BBS9: variants seen among roughly 807,000 people sequenced by gnomAD.
The protein encoded by BBS9 is protein PTHB1.
Under a neutral mutation model 117.7 loss-of-function variants are expected in BBS9, and 89 were observed. That is an observed-to-expected ratio of 0.76 (90% confidence interval 0.64 to 0.90). BBS9 has a LOEUF of 0.90. Among genes scored for constraint, BBS9 ranks in the 40% least tolerant of loss-of-function variants. The pLI is 0.00. For missense variants in BBS9, 982 were observed against 1,042.2 expected (o/e 0.94, Z 0.80); for synonymous variants, 379 against 370.9 (o/e 1.02, Z -0.25).
chr7:33,231,591 T>C (rs1439775979), intron 5 of BBS9, among the ~76,000 whole-genome samples: 1 of 152,006 alleles, frequency 6.6e-6, no homozygotes, highest in East Asian at 1.9e-4. Flanking sequence ...ATATAAACTT[T>C]GGGATTTTTT....
Position 33,349,082 on chromosome 7 carries a change from C to G in BBS9, c.1344C>G (p.Asn448Lys), listed in dbSNP as rs1818133179. The change falls in exon 13 of 23, where the codon AAC becomes AAG. Residue 448 changes from asparagine to lysine, a missense_variant. Coordinates refer to ENST00000242067, the MANE Select transcript of BBS9 (RefSeq NM_198428.3). Reference protein sequence around the residue: ...PSVTVKVTLQNRVILQKAKLS... With the variant: ...PSVTVKVTLQKRVILQKAKLS... ...TGTTTCCTTAGGTCACACTGCAGAA[C>G]AGAGTGATATTGCAAAAAGCCAAAT... 2 of 1,608,146 alleles carry G rather than the reference C, an allele frequency of 1.2e-6. No individual in the cohort carries two copies. The highest frequency in any genetic ancestry group is 1.7e-6 in the Non-Finnish European group (2 of 1,174,952).
intron 5 of BBS9, among the ~76,000 whole-genome samples, chr7:33,240,913 A>G (rs1273372551): frequency 1.3e-5 from 2 of 152,138 alleles, no homozygotes; most frequent in African/African-American, 4.8e-5. Context: ...GGTAGGCACT[A>G]TGGATACAAA....
intron 9 of BBS9, among the ~76,000 whole-genome samples, chr7:33,335,187 C>T (rs1407029772): frequency 2.0e-5 from 3 of 152,160 alleles, no homozygotes; most frequent in African/African-American, 7.2e-5. Flanking sequence ...TTCTCTTCTT[C>T]AGATGAATAG....
At chr7:33,320,192 A>C (rs1168111359) in intron 9 of BBS9, among the ~76,000 whole-genome samples, 1 of 152,088 alleles carries the variant, frequency 6.6e-6, no homozygotes, top group Non-Finnish European at 1.5e-5. Context: ...ACTAGATCTT[A>C]TTCATTCTTC....
intron 20 of BBS9, among the ~76,000 whole-genome samples, chr7:33,526,395 G>A (rs1053326175): frequency 8.5e-5 from 13 of 152,258 alleles, no homozygotes; most frequent in South Asian, 2.1e-4. Flanking sequence ...CCAATCAGAC[G>A]TAGATTTGGT....
intron 2 of BBS9, 48 bp downstream of exon 2, chr7:33,146,412 C>A: frequency 6.9e-7 from 1 of 1,459,576 alleles, no homozygotes; most frequent in South Asian, 1.1e-5. Flanking sequence ...TTAAAGAGAT[C>A]AAATAAGACT....
At chr7:33,235,972 G>T (rs1290748747) in intron 5 of BBS9, among the ~76,000 whole-genome samples, 1 of 152,102 alleles carries the variant, frequency 6.6e-6, no homozygotes, top group East Asian at 1.9e-4. Context: ...GAAAATGAAA[G>T]TAATGAAACT....
chr7:33,631,315 G>C (rs190523695), intron 21 of BBS9, among the ~76,000 whole-genome samples: 222 of 152,262 alleles, frequency 1.5e-3, no homozygotes, highest in Admixed American at 3.1e-3. Context: ...ATGCCAGCGG[G>C]CTCTTCCTTC....
intron 5 of BBS9, among the ~76,000 whole-genome samples, chr7:33,190,137 TG>T (rs138425961): frequency 0.045 from 5,865 of 129,674 alleles, 205 homozygotes; most frequent in African/African-American, 0.11. Flanking sequence ...TTTTTTTTTT[TG>T]AGACTGAGTC....
At chr7:33,451,759 C>T (rs1837906777) in intron 19 of BBS9, among the ~76,000 whole-genome samples, 2 of 152,118 alleles carry the variant, frequency 1.3e-5, no homozygotes, top group South Asian at 2.1e-4. Flanking sequence ...ATTTTAGTAA[C>T]TCTGAGATTG....
chr7:33,357,797 T>G, intron 15 of BBS9, 58 bp from the exon 16 acceptor site: 1 of 1,561,244 alleles, frequency 6.4e-7, no homozygotes, highest in Non-Finnish European at 8.8e-7. Flanking sequence ...TAGTACAATT[T>G]TTTTTTGCCA....
At chr7:33,623,719 G>A (rs1865516890) in intron 21 of BBS9, among the ~76,000 whole-genome samples, 1 of 152,134 alleles carries the variant, frequency 6.6e-6, no homozygotes, top group Non-Finnish European at 1.5e-5. Flanking sequence ...GGATTAACAT[G>A]GATGAATCTC....
chr7:33,214,585 C>T (rs1468453442), intron 5 of BBS9, among the ~76,000 whole-genome samples: 1 of 152,146 alleles, frequency 6.6e-6, no homozygotes, highest in Non-Finnish European at 1.5e-5. Context: ...ATGAAGCCTG[C>T]CTGTAGGCTT....
chr7:33,622,214 A>C (rs1865444764), intron 21 of BBS9, among the ~76,000 whole-genome samples: 1 of 151,798 alleles, frequency 6.6e-6, no homozygotes, highest in African/African-American at 2.4e-5. Context: ...TCAAAAAATA[A>C]AAACAAAAAA....
intron 19 of BBS9, among the ~76,000 whole-genome samples, chr7:33,505,020 G>A (rs956386018): frequency 6.6e-5 from 10 of 152,196 alleles, no homozygotes; most frequent in South Asian, 6.2e-4. Context: ...TTAGAGGAAA[G>A]CGATGTTCTG....
chr7:33,534,902 A>G (rs893984052), intron 21 of BBS9, among the ~76,000 whole-genome samples: 3 of 152,162 alleles, frequency 2.0e-5, no homozygotes, highest in Non-Finnish European at 2.9e-5. Context: ...TGCAGCAGCT[A>G]TAGCATCTCT....
intron 1 of BBS9, among the ~76,000 whole-genome samples, chr7:33,145,096 G>C (rs1481703740): frequency 6.6e-6 from 1 of 152,180 alleles, no homozygotes; most frequent in Non-Finnish European, 1.5e-5. Context: ...GTTGTTACTA[G>C]AAGCTTGCAG....
chr7:33,277,119 G>A (rs192429193), intron 9 of BBS9: 2 of 197,484 alleles, frequency 1.0e-5, no homozygotes, highest in Non-Finnish European at 2.4e-5. Context: ...TCTGGGATTA[G>A]TGTCTGTAAA....
At chr7:33,444,819 A>G (rs1191665285) in intron 19 of BBS9, among the ~76,000 whole-genome samples, 3 of 152,210 alleles carry the variant, frequency 2.0e-5, no homozygotes, top group Admixed American at 6.5e-5. Context: ...CATGCCCAGT[A>G]TAATCTATTC....
Sources: gnomAD v4.1 joint callset for allele counts (sites outside exome capture counted in the v4.1 genomes callset) on GRCh38, gnomAD v4.1.1 for gene constraint, MANE v1.5 for transcripts, NCBI Gene and HGNC (gene_info 2026-07-23, HGNC 2026-07-21) for gene names.